Variants in STK32B observed in about 807,000 individuals in gnomAD.
STK32B encodes the protein serine/threonine kinase 32B.
A neutral mutation model predicts 52.6 loss-of-function variants in STK32B; 43 were observed. That is an observed-to-expected ratio of 0.82 (90% CI 0.64 to 1.05). The LOEUF (loss-of-function observed/expected upper bound fraction) is 1.05, where lower values mean the gene tolerates loss of function less well. Ranked by LOEUF, STK32B falls within the 50% of genes least tolerant of loss-of-function variation. The pLI, the probability that STK32B is intolerant of heterozygous loss-of-function variation, is 0.00. For synonymous variants in STK32B, 238 were observed against 204.3 expected (o/e 1.17, Z -1.41); for missense variants, 621 against 534.6 (o/e 1.16, Z -1.59).
intron 4 of STK32B, among the ~76,000 whole-genome samples, chr4:5,390,229 TG>T (rs1736513237): frequency 6.6e-6 from 1 of 152,204 alleles, no homozygotes; most frequent in Admixed American, 6.5e-5. Context: ...GCCAAGTGCC[TG>T]GAACAGTCAT....
rs1460318664 is a variant in STK32B at position 5,499,297 on chromosome 4, G to A, written c.*214G>A. 8 of 508,404 alleles carry A rather than the reference G, an allele frequency of 1.6e-5. No homozygotes were observed. Among genetic ancestry groups the A allele is most frequent in the African/African-American group, 9.9e-5 (5 of 50,746 alleles). 31.5% of individuals were successfully genotyped at this position (508,404 alleles called of 1,614,324 possible). A position where few individuals can be genotyped will look rare whatever the true frequency, so the allele number is the denominator to read the frequency against. Reference sequence around the variant, plus strand: ...CAAGTCACGCCCTCTCTGTGCCTCCGTTTTCTGCATCTGCCAAAGGGGTTA... The same window carrying A: ...CAAGTCACGCCCTCTCTGTGCCTCCATTTTCTGCATCTGCCAAAGGGGTTA... On this transcript the variant is annotated 3_prime_UTR_variant, in exon 12 of 12. Coordinates refer to ENST00000282908, the MANE Select transcript of STK32B (RefSeq NM_018401.3).
intron 6 of STK32B, among the ~76,000 whole-genome samples, chr4:5,444,126 C>A (rs888650032): frequency 1.6e-4 from 25 of 152,140 alleles, no homozygotes; most frequent in Admixed American, 4.6e-4. Context: ...TGGTGGGCTC[C>A]GCCCAGTTGG....
intron 8 of STK32B, among the ~76,000 whole-genome samples, chr4:5,459,286 C>T (rs924085642): frequency 6.9e-5 from 4 of 58,094 alleles, no homozygotes; most frequent in African/African-American, 2.0e-4. Context: ...TGGTGTGCCC[C>T]CCCCCCCCAC....
intron 2 of STK32B, among the ~76,000 whole-genome samples, chr4:5,143,141 G>A (rs13143375): frequency 1.3e-5 from 2 of 150,460 alleles, no homozygotes; most frequent in Non-Finnish European, 1.5e-5. Context: ...CTATCTGTCT[G>A]TCTATCTGTC....
chr4:5,343,170 A>T (rs573972801), intron 4 of STK32B, among the ~76,000 whole-genome samples: 5 of 140,796 alleles, frequency 3.6e-5, no homozygotes, highest in Non-Finnish European at 7.5e-5. Context: ...TCATTGTTCA[A>T]TTCCCACCTA....
chr4:5,463,992 G>A (rs528977673), intron 9 of STK32B, among the ~76,000 whole-genome samples: 36 of 152,338 alleles, frequency 2.4e-4, no homozygotes, highest in African/African-American at 8.4e-4. Flanking sequence ...GGGCTGTACA[G>A]GAAGCATGGC....
intron 3 of STK32B, among the ~76,000 whole-genome samples, chr4:5,209,335 C>T (rs967751003): frequency 1.3e-5 from 2 of 152,180 alleles, no homozygotes; most frequent in African/African-American, 4.8e-5. Context: ...AATCCTCCCA[C>T]CTCAGTCTTT....
chr4:5,341,180 G>A (rs150572350), intron 4 of STK32B, among the ~76,000 whole-genome samples: 543 of 152,276 alleles, frequency 3.6e-3, no homozygotes, highest in African/African-American at 0.011. Context: ...CCGCCCCAGA[G>A]GAAGGCACTG....
chr4:5,092,115 G>A (rs561439515), intron 1 of STK32B, among the ~76,000 whole-genome samples: 3 of 152,336 alleles, frequency 2.0e-5, no homozygotes, highest in Non-Finnish European at 2.9e-5. Flanking sequence ...TTAGATAGAG[G>A]TATGGAATTA....
At chr4:5,230,597 G>A (rs1392028309) in intron 3 of STK32B, among the ~76,000 whole-genome samples, 1 of 152,126 alleles carries the variant, frequency 6.6e-6, no homozygotes, top group African/African-American at 2.4e-5. Flanking sequence ...TTTTTATTAT[G>A]AAAATCATTT....
intron 5 of STK32B, among the ~76,000 whole-genome samples, chr4:5,401,065 G>A (rs1431613516): frequency 6.6e-6 from 1 of 152,212 alleles, no homozygotes; most frequent in African/African-American, 2.4e-5. Flanking sequence ...GGTAGAGACA[G>A]TGGGGCAGAA....
chr4:5,218,435 T>TTAGAGC (rs1427990244), intron 3 of STK32B, among the ~76,000 whole-genome samples: 5 of 152,190 alleles, frequency 3.3e-5, no homozygotes, highest in African/African-American at 1.2e-4. Flanking sequence ...TGCAATATAT[T>TTAGAGC]TCAGATATAT....
intron 3 of STK32B, among the ~76,000 whole-genome samples, chr4:5,282,731 G>C (rs1305791898): frequency 6.6e-6 from 1 of 152,140 alleles, no homozygotes; most frequent in East Asian, 1.9e-4. Flanking sequence ...TCAATGACCA[G>C]TGGCTGGGTA....
chr4:5,359,798 T>C (rs997797351), intron 4 of STK32B, among the ~76,000 whole-genome samples: 1 of 152,036 alleles, frequency 6.6e-6, no homozygotes, highest in Non-Finnish European at 1.5e-5. Context: ...AGCAGACCAG[T>C]GCAGCTGGAG....
intron 3 of STK32B, among the ~76,000 whole-genome samples, chr4:5,317,703 A>G (rs1020798980): frequency 1.3e-5 from 2 of 150,474 alleles, no homozygotes; most frequent in East Asian, 1.9e-4. Flanking sequence ...AAGAGCTCCT[A>G]TTCTTGTTTG....
chr4:5,103,809 C>G (rs1032647369), intron 1 of STK32B, among the ~76,000 whole-genome samples: 1 of 152,114 alleles, frequency 6.6e-6, no homozygotes, highest in African/African-American at 2.4e-5. Flanking sequence ...TTTGCCAGTA[C>G]GATGAGTATG....
intron 3 of STK32B, among the ~76,000 whole-genome samples, chr4:5,267,695 GC>G: frequency 6.6e-6 from 1 of 152,294 alleles, no homozygotes; most frequent in Non-Finnish European, 1.5e-5. Flanking sequence ...CAGTCTCACA[GC>G]CAAAGAGTAG....
chr4:5,081,834 TA>T (rs1434722639), intron 1 of STK32B, among the ~76,000 whole-genome samples: 1 of 152,218 alleles, frequency 6.6e-6, no homozygotes, highest in Non-Finnish European at 1.5e-5. Flanking sequence ...TGAGCTTCTT[TA>T]AAAACTATTA....
At position 5,349,592 on chromosome 4, in the gene STK32B, A is replaced by C. The variant is rs80332503; in HGVS notation, c.434+18199A>C. Among the ~76,000 whole-genome samples the C allele has an allele frequency of 8.9e-3, 1,351 of 152,304 alleles. 50 individuals are homozygous for C. The East Asian group carries it at 0.11, about 13-fold the overall frequency. ...AGGAAACATGAAAAAGCAAGGAAAT[A>C]TGAAACCCCAAAGGAACACAGTAAT... On this transcript the variant is annotated intron_variant, in intron 4 of 11. Transcript: ENST00000282908.
Sources: allele counts gnomAD v4.1 joint callset (sites outside exome capture counted in the v4.1 genomes callset), GRCh38; gene constraint gnomAD v4.1.1; transcripts MANE v1.5; gene names NCBI Gene and HGNC (gene_info 2026-07-23, HGNC 2026-07-21).